Variants in DNAJB6 observed in about 807,000 individuals in gnomAD.
The protein encoded by DNAJB6 is dnaJ homolog subfamily B member 6.
A neutral mutation model predicts 42.7 loss-of-function variants in DNAJB6; 16 were observed. That is an observed-to-expected ratio of 0.37 (90% CI 0.25 to 0.57). The LOEUF is 0.57. DNAJB6 is among the 20% of genes least tolerant of loss of function. The pLI, the probability that DNAJB6 is intolerant of heterozygous loss-of-function variation, is 0.74. For missense variants in DNAJB6, 347 were observed against 416.8 expected, an observed-to-expected ratio of 0.83 and a Z score of 1.46; for synonymous variants, 170 against 163.5, an observed-to-expected ratio of 1.04 and a Z score of -0.30.
At chr7:157,374,931 C>G in intron 5 of DNAJB6, among the ~76,000 whole-genome samples, 1 of 152,168 alleles carries the variant, frequency 6.6e-6, no homozygotes, top group Non-Finnish European at 1.5e-5. Flanking sequence ...TTGCCTGAGT[C>G]CTTTGTCAGT....
At chr7:157,400,816 C>T (rs1257728134) in intron 8 of DNAJB6, among the ~76,000 whole-genome samples, 3 of 152,120 alleles carry the variant, frequency 2.0e-5, no homozygotes, top group East Asian at 1.9e-4. Context: ...GTGAGTTGGT[C>T]GCTGAATCCT....
chr7:157,413,204 A>G (rs1336208348), intron 9 of DNAJB6: 6 of 152,252 alleles, frequency 3.9e-5, no homozygotes, highest in Admixed American at 2.0e-4. Flanking sequence ...AGGCCGAGTG[A>G]TGTTTTGTGT....
chr7:157,403,297 T>C (rs1329659548), intron 8 of DNAJB6, among the ~76,000 whole-genome samples: 3 of 152,104 alleles, frequency 2.0e-5, no homozygotes, highest in African/African-American at 7.2e-5. Flanking sequence ...ATGCGTTTGT[T>C]TCGGGGGAGC....
At chr7:157,369,548 C>T (rs919550018) in intron 5 of DNAJB6, 8 of 357,198 alleles carry the variant, frequency 2.2e-5, no homozygotes, top group African/African-American at 4.3e-5. Flanking sequence ...TATGATTAAA[C>T]AGGGCTTTCT....
chr7:157,366,423 C>T (rs1799846650), intron 3 of DNAJB6, 79 bp from the exon 4 acceptor site: 4 of 1,313,418 alleles, frequency 3.0e-6, no homozygotes, highest in Admixed American at 1.8e-5. Flanking sequence ...AACTGATTTA[C>T]AACTGGGGAA....
At chr7:157,344,965 T>G (rs1798609499) in intron 1 of DNAJB6, among the ~76,000 whole-genome samples, 2 of 152,130 alleles carry the variant, frequency 1.3e-5, no homozygotes, top group African/African-American at 4.8e-5. Context: ...ATTTTATCAT[T>G]TTTAACTTTA....
intron 1 of DNAJB6, among the ~76,000 whole-genome samples, chr7:157,355,565 G>A (rs1275648124): frequency 6.6e-6 from 1 of 152,210 alleles, no homozygotes; most frequent in African/African-American, 2.4e-5. Context: ...ACGTCTGTGG[G>A]TGGTGCTGTG....
rs552098347 is a variant in DNAJB6 at position 157,385,506 on chromosome 7, C to T, written c.621-35C>T. 16 of 1,603,198 alleles carry T rather than the reference C, an allele frequency of 1.0e-5. No homozygotes were observed. The South Asian group carries it at 1.7e-4, about 17-fold the overall frequency. On this transcript the variant is annotated intron_variant, in intron 7 of 9. Coordinates refer to ENST00000262177, the MANE Select transcript of DNAJB6 (RefSeq NM_058246.4). ...TACCCTCACACATGCATTTTCTTTA[C>T]CAGAAAGGTTTTTAAATGAATTTTT...
At chr7:157,364,199 T>C (rs1799740437) in intron 3 of DNAJB6, among the ~76,000 whole-genome samples, 1 of 151,788 alleles carries the variant, frequency 6.6e-6, no homozygotes, top group Non-Finnish European at 1.5e-5. Flanking sequence ...TGCGAGACTG[T>C]CTCCAAAAAA....
At chr7:157,355,393 C>T (rs1377264764) in intron 1 of DNAJB6, among the ~76,000 whole-genome samples, 1 of 152,196 alleles carries the variant, frequency 6.6e-6, no homozygotes, top group Non-Finnish European at 1.5e-5. Context: ...ATCTCCTGAC[C>T]TCGTGATCTG....
chr7:157,365,323 T>C (rs1799789564), intron 3 of DNAJB6, among the ~76,000 whole-genome samples: 2 of 152,256 alleles, frequency 1.3e-5, no homozygotes, highest in South Asian at 2.1e-4. Context: ...TCATTGTTTT[T>C]GTTCTGGGAT....
rs145974047 is a variant in DNAJB6 at position 157,348,531 on chromosome 7, C to G, written c.-26-10016C>G. ...GGACCCTAAACAGTTTCCTAAATAG[C>G]TCTCCTGTCTGCGCTTGGTTGCATT... On this transcript the variant is annotated intron_variant, in intron 1 of 9. Transcript: ENST00000262177. 9.6e-3 allele frequency among the ~76,000 whole-genome samples: 1,466 copies of G among 152,284 alleles called. 9 individuals carry two copies. Among genetic ancestry groups the G allele is most frequent in the Non-Finnish European group, 0.016 (1,111 of 68,018 alleles).
intron 1 of DNAJB6, among the ~76,000 whole-genome samples, chr7:157,338,694 A>T (rs1798181499): frequency 6.6e-6 from 1 of 152,192 alleles, no homozygotes; most frequent in Non-Finnish European, 1.5e-5. Context: ...GTGCTTTCAC[A>T]TTTCTTTCTG....
At chr7:157,386,008 G>A (rs1801038761) in intron 8 of DNAJB6, 4 of 996,294 alleles carry the variant, frequency 4.0e-6, no homozygotes, top group Non-Finnish European at 4.8e-6. Context: ...ACGTAGTGTC[G>A]GCCTGCTGTG....
At chr7:157,366,426 C>A in intron 3 of DNAJB6, 76 bp from the exon 4 acceptor site, 1 of 1,329,862 alleles carries the variant, frequency 7.5e-7, no homozygotes, top group South Asian at 1.2e-5. Context: ...TGATTTACAA[C>A]TGGGGAAATA....
Position 157,351,090 on chromosome 7 carries a change from A to G in DNAJB6, c.-26-7457A>G, listed in dbSNP as rs141768111. On this transcript the variant is annotated intron_variant, in intron 1 of 9. Transcript: ENST00000262177. ...GCTGGGATTACAGGAATGTGCCACC[A>G]TGCCTAGTTAATTTTGTATTTTTAG... 2.4e-3 allele frequency among the ~76,000 whole-genome samples: 365 copies of G among 152,064 alleles called. 10 individuals carry two copies. In the East Asian group the frequency reaches 0.055, roughly 23 times the overall value.
chr7:157,399,342 C>T (rs1381047683), intron 8 of DNAJB6, among the ~76,000 whole-genome samples: 1 of 152,188 alleles, frequency 6.6e-6, no homozygotes, highest in African/African-American at 2.4e-5. Flanking sequence ...GTGGCCCTGC[C>T]CCTGCTTGGT....
At chr7:157,377,273 A>G (rs933818113) in intron 5 of DNAJB6, among the ~76,000 whole-genome samples, 2 of 152,160 alleles carry the variant, frequency 1.3e-5, no homozygotes, top group African/African-American at 4.8e-5. Flanking sequence ...ACAATTTCAA[A>G]TGGTTTGTAG....
At chr7:157,354,580 C>T (rs1411336890) in intron 1 of DNAJB6, among the ~76,000 whole-genome samples, 1 of 152,002 alleles carries the variant, frequency 6.6e-6, no homozygotes, top group Admixed American at 6.6e-5. Flanking sequence ...CTCAAGGAGT[C>T]CTCCCACTTT....
Sources: allele counts gnomAD v4.1 joint callset (sites outside exome capture counted in the v4.1 genomes callset), GRCh38; gene constraint gnomAD v4.1.1; transcripts MANE v1.5; gene names NCBI Gene and HGNC (gene_info 2026-07-23, HGNC 2026-07-21).